Variants in GTF2F2 observed in about 807,000 individuals in gnomAD.
GTF2F2 encodes the protein ATP-dependent helicase GTF2F2.
GTF2F2 carries 23 observed loss-of-function variants against 42.2 expected under a neutral mutation model. That is an observed-to-expected ratio of 0.55 (90% CI 0.39 to 0.77). GTF2F2 has a LOEUF of 0.77. Ranked by LOEUF, GTF2F2 falls within the 30% of genes least tolerant of loss-of-function variation. GTF2F2 has a pLI of 0.00. For missense variants in GTF2F2, 261 were observed against 287.2 expected (o/e 0.91, Z 0.66); for synonymous variants, 105 against 100.8 (o/e 1.04, Z -0.25).
At chr13:45,274,468 A>C (rs1876939379) in intron 7 of GTF2F2, among the ~76,000 whole-genome samples, 2 of 151,940 alleles carry the variant, frequency 1.3e-5, no homozygotes, top group South Asian at 4.1e-4. Context: ...CTGGGATTAC[A>C]GGCACATGCC....
chr13:45,236,160 ACTGGT>A (rs1228100711), intron 5 of GTF2F2, among the ~76,000 whole-genome samples: 2 of 152,074 alleles, frequency 1.3e-5, no homozygotes, highest in African/African-American at 4.8e-5. Context: ...AATACATCAC[ACTGGT>A]CTGGCCCACT....
intron 5 of GTF2F2, among the ~76,000 whole-genome samples, chr13:45,236,514 C>CAT (rs931745566): frequency 6.6e-6 from 1 of 151,616 alleles, no homozygotes; most frequent in African/African-American, 2.4e-5. Context: ...CACACACACA[C>CAT]ACACACACAC....
chr13:45,232,750 C>T (rs1403868390), intron 5 of GTF2F2, among the ~76,000 whole-genome samples: 2 of 152,212 alleles, frequency 1.3e-5, no homozygotes, highest in African/African-American at 4.8e-5. Flanking sequence ...CTTCTACCCA[C>T]CCACCATAAG....
At chr13:45,268,233 T>C (rs1168062820) in intron 7 of GTF2F2, among the ~76,000 whole-genome samples, 1 of 152,166 alleles carries the variant, frequency 6.6e-6, no homozygotes, top group African/African-American at 2.4e-5. Flanking sequence ...GCCGGTATAC[T>C]CAAGAATCTG....
At chr13:45,151,946 G>A (rs537436237) in intron 4 of GTF2F2, 115 bp downstream of exon 4, 13 of 512,454 alleles carry the variant, frequency 2.5e-5, no homozygotes, top group Admixed American at 1.5e-4. Context: ...ATGGAGTTTC[G>A]CTCTTGTTGC....
chr13:45,187,480 A>G (rs371776714), intron 4 of GTF2F2, among the ~76,000 whole-genome samples: 2 of 152,318 alleles, frequency 1.3e-5, no homozygotes, highest in African/African-American at 2.4e-5. Flanking sequence ...ATATTGAACC[A>G]TTATGTATTT....
rs962429318 is a variant in GTF2F2, at chr13:45,203,242, T to C, written c.305-4182T>C. On this transcript the variant is annotated intron_variant, in intron 4 of 7. Coordinates refer to ENST00000340473, the MANE Select transcript of GTF2F2 (RefSeq NM_004128.3). ...CAGGCATGCACCACCACGCCCACCT[T>C]TTTTTTTTTTTTTTGGATTTTTAGT... 1.3e-4 allele frequency among the ~76,000 whole-genome samples: 19 copies of C among 143,040 alleles called. No individual in the cohort carries two copies. The East Asian group carries it at 3.8e-3, about 28-fold the overall frequency. 93.8% of individuals were successfully genotyped at this position (143,040 alleles called of 152,430 possible).
At chr13:45,281,538 T>C (rs1877260736) in intron 7 of GTF2F2, among the ~76,000 whole-genome samples, 1 of 152,228 alleles carries the variant, frequency 6.6e-6, no homozygotes, top group Non-Finnish European at 1.5e-5. Context: ...TTAAGCCAGA[T>C]GTGGTGGAAC....
chr13:45,282,021 A>G (rs1381855622), intron 7 of GTF2F2, among the ~76,000 whole-genome samples: 1 of 152,130 alleles, frequency 6.6e-6, no homozygotes, highest in Non-Finnish European at 1.5e-5. Flanking sequence ...CAACATGGTG[A>G]AACCCCATCT....
chr13:45,120,762 A>C (rs1052698414), intron 1 of GTF2F2, 41 bp downstream of exon 1: 1 of 1,428,562 alleles, frequency 7.0e-7, no homozygotes, highest in African/African-American at 1.4e-5. Flanking sequence ...CTCCTAACAC[A>C]AGTATAGTTT....
chr13:45,238,904 A>G (rs1875137158), intron 5 of GTF2F2, among the ~76,000 whole-genome samples: 1 of 148,194 alleles, frequency 6.7e-6, no homozygotes. Flanking sequence ...AGATGGCGCC[A>G]TTGCACTCCA....
intron 2 of GTF2F2, among the ~76,000 whole-genome samples, chr13:45,141,334 A>T (rs1317323585): frequency 6.6e-6 from 1 of 152,222 alleles, no homozygotes; most frequent in African/African-American, 2.4e-5. Context: ...CTTGGTAGAA[A>T]ATCTCAAGGT....
chr13:45,159,657 A>G (rs1375593055), intron 4 of GTF2F2, among the ~76,000 whole-genome samples: 1 of 152,188 alleles, frequency 6.6e-6, no homozygotes, highest in Non-Finnish European at 1.5e-5. Flanking sequence ...TGTTTTTATT[A>G]GAGACGGGGT....
intron 2 of GTF2F2, among the ~76,000 whole-genome samples, chr13:45,143,637 C>G (rs933990658): frequency 6.6e-6 from 1 of 152,132 alleles, no homozygotes; most frequent in Non-Finnish European, 1.5e-5. Context: ...TGCTGTGTGT[C>G]GCAGGCCAGA....
intron 7 of GTF2F2, among the ~76,000 whole-genome samples, chr13:45,274,000 T>C (rs914357653): frequency 1.3e-5 from 2 of 152,056 alleles, no homozygotes; most frequent in Non-Finnish European, 2.9e-5. Context: ...GTTGGATCGG[T>C]GTTCGAAGCC....
chr13:45,210,507 A>G (rs1455575789), intron 5 of GTF2F2, among the ~76,000 whole-genome samples: 1 of 151,910 alleles, frequency 6.6e-6, no homozygotes, highest in Non-Finnish European at 1.5e-5. Flanking sequence ...AGCACACGTC[A>G]CCTCCTACTA....
chr13:45,211,462 T>G (rs1029357291), intron 5 of GTF2F2, among the ~76,000 whole-genome samples: 4 of 151,332 alleles, frequency 2.6e-5, no homozygotes, highest in African/African-American at 9.7e-5. Context: ...AGAGACAGGA[T>G]CTCACTATGT....
intron 6 of GTF2F2, among the ~76,000 whole-genome samples, chr13:45,254,379 T>C (rs1390158119): frequency 6.6e-6 from 1 of 152,214 alleles, no homozygotes; most frequent in African/African-American, 2.4e-5. Context: ...GAAAGTATTG[T>C]ATATTTATAT....
At chr13:45,216,321 T>C (rs1035349348) in intron 5 of GTF2F2, among the ~76,000 whole-genome samples, 4 of 152,174 alleles carry the variant, frequency 2.6e-5, no homozygotes, top group African/African-American at 4.8e-5. Context: ...CACTTTAAGA[T>C]AGGGGGAGTG....
Sources: allele counts gnomAD v4.1 joint callset (sites outside exome capture counted in the v4.1 genomes callset), GRCh38; gene constraint gnomAD v4.1.1; transcripts MANE v1.5; gene names NCBI Gene and HGNC (gene_info 2026-07-23, HGNC 2026-07-21).